The following ZBTB20 variants were observed in gnomAD, a reference collection of about 807,000 sequenced individuals.
The protein encoded by ZBTB20 is zinc finger and BTB domain-containing protein 20.
A neutral mutation model predicts 56.9 loss-of-function variants in ZBTB20; 9 were observed. The observed-to-expected ratio is 0.16, with a 90% CI of 0.10 to 0.28. ZBTB20 has a LOEUF of 0.28. Ranked by LOEUF, ZBTB20 falls within the 10% of genes least tolerant of loss-of-function variation. The probability of loss-of-function intolerance (pLI) is 1.00; values close to 1 mark genes in which losing one functional copy is unlikely to be tolerated. For missense variants in ZBTB20, 655 were observed against 1,003.0 expected (o/e 0.65, Z 4.69); for synonymous variants, 417 against 420.7 (o/e 0.99, Z 0.11).
intron 6 of ZBTB20, among the ~76,000 whole-genome samples, chr3:114,679,914 A>C (rs1054757971): frequency 6.6e-6 from 1 of 152,252 alleles, no homozygotes; most frequent in African/African-American, 2.4e-5. Flanking sequence ...TGACTGGATA[A>C]AGAAAATGTA....
At chr3:114,381,813 G>C (rs1417832453) in intron 8 of ZBTB20, among the ~76,000 whole-genome samples, 1 of 152,218 alleles carries the variant, frequency 6.6e-6, no homozygotes, top group African/African-American at 2.4e-5. Context: ...GAGGGCAGGA[G>C]GCAGAGATGG....
chr3:115,038,370 A>G (rs1393099173), intron 2 of ZBTB20, among the ~76,000 whole-genome samples: 3 of 152,200 alleles, frequency 2.0e-5, no homozygotes, highest in African/African-American at 7.2e-5. Context: ...AACTCTATAC[A>G]AGCACATACA....
rs113980284 is a variant in ZBTB20 at position 114,414,117 on chromosome 3, C to T, written c.-254-25012G>A. On this transcript the variant is annotated intron_variant, in intron 7 of 11. Transcript: ENST00000675478. ...GGGAACAAAAGAAGCAAACAGATCA[C>T]GAGGAGGTAAAAGGCATGCTGCTAT... 2.8e-3 allele frequency among the ~76,000 whole-genome samples: 431 copies of T among 152,138 alleles called. 1 individual carries two copies. Among genetic ancestry groups the T allele is most frequent in the Admixed American group, 7.3e-3 (111 of 15,264 alleles).
At position 114,331,618 on chromosome 3, in the gene ZBTB20, TAG is replaced by T. The variant is rs2079260185; in HGVS notation, c.*7385_*7386del. The T allele has an allele frequency of 6.6e-6, 1 of 152,202 alleles. No homozygotes were observed. The highest frequency in any genetic ancestry group is 2.1e-4 in the South Asian group (1 of 4,826). 9.4% of individuals were successfully genotyped at this position (152,202 alleles called of 1,614,324 possible). ...CATGTCAATAAATCCAATAGAACTG[TAG>T]AGTTTGTTAAATGCACTCTACTCCA... On this transcript the variant is annotated 3_prime_UTR_variant, in exon 12 of 12. Transcript: ENST00000675478.
At chr3:114,977,134 T>C (rs1429487290) in intron 2 of ZBTB20, among the ~76,000 whole-genome samples, 1 of 152,230 alleles carries the variant, frequency 6.6e-6, no homozygotes, top group Non-Finnish European at 1.5e-5. Context: ...CTCTCTTTAC[T>C]ATTTACATGC....
In ZBTB20 at chr3:114,325,325, T is replaced by C. The variant is rs2079028335; in HGVS notation, c.*13680A>G. 6.6e-6 allele frequency: 1 copy of C among 152,166 alleles called. No individual in the cohort carries two copies. Among genetic ancestry groups the C allele is most frequent in the African/African-American group, 2.4e-5 (1 of 41,452 alleles). The allele number at this position is 152,166 out of a possible 1,614,324, so 9.4% of individuals were successfully genotyped here. A position where few individuals can be genotyped will look rare whatever the true frequency, so the allele number is the denominator to read the frequency against. On this transcript the variant is annotated 3_prime_UTR_variant, in exon 12 of 12. Coordinates refer to ENST00000675478, the MANE Select transcript of ZBTB20 (RefSeq NM_001348800.3). The stretch of plus-strand genomic sequence containing the variant: ...CCAAGGAGAGCAAGAGCAGAGTAAC[T>C]AGCCTTTGTTTTCAAAGATTCCCCT...
intron 2 of ZBTB20, among the ~76,000 whole-genome samples, chr3:115,021,999 C>T (rs2080224239): frequency 6.6e-6 from 1 of 150,536 alleles, no homozygotes; most frequent in Non-Finnish European, 1.5e-5. Context: ...ATACTAGCAA[C>T]ATTTTGGCCT....
At chr3:114,717,143 A>G (rs2064541319) in intron 5 of ZBTB20, among the ~76,000 whole-genome samples, 1 of 152,148 alleles carries the variant, frequency 6.6e-6, no homozygotes, top group South Asian at 2.1e-4. Context: ...TTCCATTAAA[A>G]CAAAACAATC....
At chr3:114,603,604 A>G (rs1185645497) in intron 6 of ZBTB20, among the ~76,000 whole-genome samples, 4 of 151,978 alleles carry the variant, frequency 2.6e-5, no homozygotes, top group Non-Finnish European at 5.9e-5. Context: ...CAAAAAATCC[A>G]TAAGTAATTT....
chr3:114,716,143 C>T (rs1303966812), intron 5 of ZBTB20, among the ~76,000 whole-genome samples: 1 of 152,094 alleles, frequency 6.6e-6, no homozygotes, highest in Non-Finnish European at 1.5e-5. Context: ...AGAACATTTC[C>T]GAAATACACA....
In ZBTB20 at chr3:114,380,824, T is replaced by G. The variant is rs1388027967; in HGVS notation, c.-37A>C. 6.7e-7 allele frequency: 1 copy of G among 1,492,840 alleles called. No individual in the cohort carries two copies. The highest frequency in any genetic ancestry group is 2.4e-5 in the Admixed American group (1 of 42,298). The allele number at this position is 1,492,840 out of a possible 1,614,324, so 92.5% of individuals were successfully genotyped here. A position where few individuals can be genotyped will look rare whatever the true frequency, so the allele number is the denominator to read the frequency against. On this transcript the variant is annotated 5_prime_UTR_variant, in exon 9 of 12. Transcript: ENST00000675478. ...CTTAGAGACAGGACTCGTGGAGTAA[T>G]GGGAGGAGCACTGGACTGGGAGTCA...
intron 1 of ZBTB20, 88 bp downstream of exon 1, chr3:115,147,131 C>T (rs2107375762): frequency 6.9e-6 from 1 of 144,100 alleles, no homozygotes. Flanking sequence ...ACTCCAGGCG[C>T]CTCGCAGACG....
intron 3 of ZBTB20, among the ~76,000 whole-genome samples, chr3:114,973,766 G>A (rs2077983879): frequency 1.3e-5 from 2 of 151,950 alleles, no homozygotes; most frequent in South Asian, 4.1e-4. Flanking sequence ...AAGAAGAAAA[G>A]TAATTACAGC....
chr3:114,827,659 G>C (rs572373077), intron 4 of ZBTB20, among the ~76,000 whole-genome samples: 4 of 151,842 alleles, frequency 2.6e-5, no homozygotes, highest in African/African-American at 9.6e-5. Flanking sequence ...GGTCATGTGA[G>C]GGGGAGAGCT....
chr3:114,943,460 G>C (rs1209641495), intron 3 of ZBTB20, among the ~76,000 whole-genome samples: 1 of 145,518 alleles, frequency 6.9e-6, no homozygotes, highest in Non-Finnish European at 1.5e-5. Flanking sequence ...ATCAGATATA[G>C]TCTTTTAAAA....
chr3:114,704,442 A>G (rs1396661576), intron 5 of ZBTB20, among the ~76,000 whole-genome samples: 1 of 152,182 alleles, frequency 6.6e-6, no homozygotes, highest in Non-Finnish European at 1.5e-5. Context: ...ACAAAAATGT[A>G]TGAATGTATG....
At chr3:114,615,785 T>C (rs2057895677) in intron 6 of ZBTB20, among the ~76,000 whole-genome samples, 1 of 152,180 alleles carries the variant, frequency 6.6e-6, no homozygotes, top group Admixed American at 6.5e-5. Context: ...CACATATGTA[T>C]AGGCAGGAGT....
chr3:114,380,448 T>G, intron 9 of ZBTB20, 44 bp from the exon 10 acceptor site: 1 of 1,465,172 alleles, frequency 6.8e-7, no homozygotes, highest in Non-Finnish European at 9.0e-7. Context: ...GACTGCATAT[T>G]TGGGAAAAGG....
At chr3:114,698,656 C>A (rs2063204864) in intron 5 of ZBTB20, among the ~76,000 whole-genome samples, 1 of 152,150 alleles carries the variant, frequency 6.6e-6, no homozygotes, top group African/African-American at 2.4e-5. Flanking sequence ...AACTTGATTT[C>A]TCCCTCAATG....
Sources: allele counts gnomAD v4.1 joint callset (sites outside exome capture counted in the v4.1 genomes callset), GRCh38; gene constraint gnomAD v4.1.1; transcripts MANE v1.5; gene names NCBI Gene and HGNC (gene_info 2026-07-23, HGNC 2026-07-21).